Variants in ABCD3 observed in about 807,000 individuals in gnomAD.
The protein encoded by ABCD3 is ATP binding cassette subfamily D member 3, also known as ATP-binding cassette sub-family D member 3.
ABCD3 carries 41 observed loss-of-function variants against 105.5 expected under a neutral mutation model. That is an observed-to-expected ratio of 0.39 (90% CI 0.30 to 0.50). The LOEUF is 0.50. Ranked by LOEUF, ABCD3 falls within the 20% of genes least tolerant of loss-of-function variation. The pLI, the probability that ABCD3 is intolerant of heterozygous loss-of-function variation, is 0.84. For missense variants in ABCD3, 622 were observed against 806.3 expected (o/e 0.77, Z 2.77); for synonymous variants, 258 against 269.0 (o/e 0.96, Z 0.40).
rs1288708220 is a variant in ABCD3, at chr1:94,499,044, T to C, written c.1620+10T>C. 3.8e-6 allele frequency: 6 copies of C among 1,597,402 alleles called. No homozygotes were observed. Among genetic ancestry groups the C allele is most frequent in the Non-Finnish European group, 5.1e-6 (6 of 1,165,090 alleles). On this transcript the variant is annotated intron_variant, in intron 19 of 22. Transcript: ENST00000370214. ...GGGAATTTCTGACCTAGTAAGGGAA[T>C]GTTTATATCCTAGATCCACTGAAAA... is the stretch of plus-strand genomic sequence containing the variant.
At chr1:94,473,217 G>A (rs1468134589) in intron 4 of ABCD3, among the ~76,000 whole-genome samples, 1 of 152,032 alleles carries the variant, frequency 6.6e-6, no homozygotes. Flanking sequence ...TTAGAATACA[G>A]CCACACTTCT....
chr1:94,505,467 A>G (rs1216344963), intron 20 of ABCD3, among the ~76,000 whole-genome samples: 1 of 150,836 alleles, frequency 6.6e-6, no homozygotes, highest in Non-Finnish European at 1.5e-5. Context: ...TCCTGCAACA[A>G]CCTCACAAAG....
chr1:94,397,744 C>T, the ABCD3 span, among the ~76,000 whole-genome samples: 1 of 152,222 alleles, frequency 6.6e-6, no homozygotes, highest in South Asian at 2.1e-4. Flanking sequence ...CTTCAATTAA[C>T]ACTCAAGGGC....
intron 1 of ABCD3, among the ~76,000 whole-genome samples, chr1:94,449,916 A>G (rs538528016): frequency 6.6e-6 from 1 of 152,376 alleles, no homozygotes; most frequent in African/African-American, 2.4e-5. Flanking sequence ...GGAGCTAAAC[A>G]TAAGGATTTG....
chr1:94,502,686 G>T (rs1384087657), intron 20 of ABCD3, among the ~76,000 whole-genome samples: 2 of 151,888 alleles, frequency 1.3e-5, no homozygotes, highest in African/African-American at 4.8e-5. Context: ...TTTTTGTAGA[G>T]ATGGGGTTTC....
the ABCD3 span, among the ~76,000 whole-genome samples, chr1:94,400,815 T>A: frequency 6.6e-6 from 1 of 152,224 alleles, no homozygotes; most frequent in East Asian, 1.9e-4. Flanking sequence ...GGTTTGAATG[T>A]CCCTTCCAAA....
chr1:94,487,906 T>G lies in ABCD3; in HGVS notation c.1080T>G (p.Ser360Arg). 1 of 1,613,644 alleles carries G rather than the reference T, an allele frequency of 6.2e-7. No homozygotes were observed. ...HSELLEDYYQ[S>R]GRMLLRMSQA... ...TTCTATTTAAGGATTACTACCAAAG[T>G]GGAAGAATGCTTTTGCGAATGTCTC... The change falls in exon 13 of 23, where the codon AGT (serine) becomes AGG (arginine). Residue 360 changes from serine to arginine, a missense_variant. By Grantham distance (110) the Ser-to-Arg change is moderately radical. This residue lies in a region of ABCD3 where 245 missense variants were observed against 356.4 expected (regional missense o/e 0.69). Transcript: ENST00000370214.
At chr1:94,487,832 T>C in intron 12 of ABCD3, 41 bp downstream of exon 12, 1 of 1,611,134 alleles carries the variant, frequency 6.2e-7, no homozygotes. Context: ...ACAGTAAAAA[T>C]AAAGCCAAAT....
chr1:94,461,540 A>C (rs1289099393), intron 2 of ABCD3, among the ~76,000 whole-genome samples: 1 of 152,124 alleles, frequency 6.6e-6, no homozygotes, highest in Admixed American at 6.6e-5. Context: ...ATTCATGTGT[A>C]AAATGAATTG....
At chr1:94,496,068 T>C (rs1220166563) in intron 16 of ABCD3, among the ~76,000 whole-genome samples, 2 of 152,226 alleles carry the variant, frequency 1.3e-5, no homozygotes, top group Non-Finnish European at 2.9e-5. Context: ...TTCATTCTTT[T>C]TTCTTTAAGA....
At chr1:94,457,148 CT>C (rs1199466213) in intron 1 of ABCD3, among the ~76,000 whole-genome samples, 1 of 152,060 alleles carries the variant, frequency 6.6e-6, no homozygotes, top group Non-Finnish European at 1.5e-5. Context: ...ATATTAACCC[CT>C]AATCAGGTGT....
At chr1:94,504,874 A>T (rs2101052210) in intron 20 of ABCD3, among the ~76,000 whole-genome samples, 1 of 152,250 alleles carries the variant, frequency 6.6e-6, no homozygotes, top group Middle Eastern at 3.4e-3. Flanking sequence ...GTTTGTGGAG[A>T]TGAGGAAAAG....
At chr1:94,390,377 A>G in the ABCD3 span, among the ~76,000 whole-genome samples, 1 of 152,048 alleles carries the variant, frequency 6.6e-6, no homozygotes, top group Non-Finnish European at 1.5e-5. Context: ...ACCTGGGCTC[A>G]CTGCAACCTC....
At chr1:94,399,628 T>C in the ABCD3 span, among the ~76,000 whole-genome samples, 2 of 152,224 alleles carry the variant, frequency 1.3e-5, no homozygotes, top group African/African-American at 4.8e-5. Flanking sequence ...TCTTTCTACT[T>C]CCTGGTGTTT....
chr1:94,399,838 T>C, the ABCD3 span, among the ~76,000 whole-genome samples: 1 of 152,222 alleles, frequency 6.6e-6, no homozygotes, highest in Non-Finnish European at 1.5e-5. Flanking sequence ...ATTTACTTTC[T>C]ACGTTATGAC....
At chr1:94,435,855 C>G (rs1659883422) in intron 1 of ABCD3, among the ~76,000 whole-genome samples, 1 of 152,146 alleles carries the variant, frequency 6.6e-6, no homozygotes, top group Non-Finnish European at 1.5e-5. Context: ...TCATTATGAA[C>G]CTTTTGATTT....
intron 2 of ABCD3, among the ~76,000 whole-genome samples, chr1:94,462,693 A>G (rs1647937710): frequency 6.6e-6 from 1 of 152,088 alleles, no homozygotes; most frequent in Non-Finnish European, 1.5e-5. Context: ...GTCTTAGATC[A>G]TTTCTTTAGA....
At chr1:94,444,817 G>A (rs1341942371) in intron 1 of ABCD3, among the ~76,000 whole-genome samples, 1 of 151,950 alleles carries the variant, frequency 6.6e-6, no homozygotes, top group African/African-American at 2.4e-5. Flanking sequence ...ATTTTTTGTT[G>A]GGAACAGGCC....
the ABCD3 span, among the ~76,000 whole-genome samples, chr1:94,395,429 G>A: frequency 3.6e-4 from 55 of 152,126 alleles, no homozygotes; most frequent in Non-Finnish European, 1.6e-4. Context: ...TACTGAAACC[G>A]GTGAGAGCTG....
Sources: gnomAD v4.1 joint callset for allele counts (sites outside exome capture counted in the v4.1 genomes callset) on GRCh38, gnomAD v4.1.1 for gene constraint, gnomAD v4.1.1 regional missense constraint, MANE v1.5 for transcripts, NCBI Gene and HGNC (gene_info 2026-07-23, HGNC 2026-07-21) for gene names.